The following SECISBP2L variants were observed in gnomAD, a reference collection of about 807,000 sequenced individuals.
SECISBP2L encodes SECIS binding protein 2 like.
A neutral mutation model predicts 114.7 loss-of-function variants in SECISBP2L; 43 were observed. The observed-to-expected ratio is 0.38, with a 90% CI of 0.29 to 0.48. The LOEUF is 0.48. Ranked by LOEUF, SECISBP2L falls within the 20% of genes least tolerant of loss-of-function variation. The probability of loss-of-function intolerance (pLI) is 0.98; values close to 1 mark genes in which losing one functional copy is unlikely to be tolerated. For missense variants in SECISBP2L, 1,136 were observed against 1,301.1 expected, an observed-to-expected ratio of 0.87 and a Z score of 1.95; for synonymous variants, 451 against 439.7, an observed-to-expected ratio of 1.03 and a Z score of -0.32.
chr15:49,039,447 A>G (rs1242820867), intron 1 of SECISBP2L, among the ~76,000 whole-genome samples: 1 of 152,138 alleles, frequency 6.6e-6, no homozygotes, highest in East Asian at 1.9e-4. Context: ...CAGTTCACAC[A>G]TACATGCATA....
At chr15:49,031,737 A>G (rs1186375341) in intron 4 of SECISBP2L, among the ~76,000 whole-genome samples, 2 of 152,232 alleles carry the variant, frequency 1.3e-5, no homozygotes, top group Non-Finnish European at 2.9e-5. Flanking sequence ...AATATATAAC[A>G]TTCTATTCAA....
Position 48,999,775 on chromosome 15 carries a change from A to G in SECISBP2L, c.2403+58T>C, listed in dbSNP as rs543967278. 3.2e-6 allele frequency: 5 copies of G among 1,571,568 alleles called. No homozygotes were observed. The South Asian group carries it at 5.7e-5, about 18-fold the overall frequency. ...TAACACTGGCATATGTCAATCGAAA[A>G]ATGTGCTATCTGGGGGATGTGCTGG... On this transcript the variant is annotated intron_variant, in intron 16 of 17. Coordinates refer to ENST00000559471, the MANE Select transcript of SECISBP2L (RefSeq NM_001193489.2).
Position 49,037,600 on chromosome 15 carries a change from T to A in SECISBP2L, c.194A>T (p.Gln65Leu), listed in dbSNP as rs1206688300. ...AAAATAAACAAATTACCTATTGGACTGGTTTTCCTGCACAAATGGGTAACA... is the reference window on the plus strand; with the variant it reads ...AAAATAAACAAATTACCTATTGGACAGGTTTTCCTGCACAAATGGGTAACA... Reference protein sequence around the residue: ...ITCYPFVQENQSNRQFPLYNN... With the variant: ...ITCYPFVQENLSNRQFPLYNN... Residue 65 changes from glutamine (Q) to leucine (L), a missense_variant, in exon 2 of 18, where the codon CAG becomes CTG. Gln to Leu is a moderately radical substitution (Grantham distance 113). Transcript: ENST00000559471. 6.2e-7 allele frequency: 1 copy of A among 1,612,964 alleles called. No homozygotes were observed. Among genetic ancestry groups the A allele is most frequent in the Non-Finnish European group, 8.5e-7 (1 of 1,179,722 alleles).
intron 1 of SECISBP2L, among the ~76,000 whole-genome samples, chr15:49,041,859 G>A (rs944910494): frequency 6.6e-6 from 1 of 152,150 alleles, no homozygotes; most frequent in Non-Finnish European, 1.5e-5. Flanking sequence ...CCTCTGAAGG[G>A]AAAAATGATT....
At chr15:49,024,170 A>G (rs1902695655) in intron 7 of SECISBP2L, among the ~76,000 whole-genome samples, 1 of 152,140 alleles carries the variant, frequency 6.6e-6, no homozygotes, top group African/African-American at 2.4e-5. Flanking sequence ...AATATGATAA[A>G]CTGAACAAAA....
In SECISBP2L at chr15:49,019,491, C is replaced by A; in HGVS notation, c.1097G>T (p.Arg366Ile). 1 of 1,511,708 alleles carries A rather than the reference C, an allele frequency of 6.6e-7. No individual in the cohort carries two copies. Among genetic ancestry groups the A allele is most frequent in the Non-Finnish European group, 8.8e-7 (1 of 1,136,944 alleles). The allele number at this position is 1,511,708 out of a possible 1,614,324, so 93.6% of individuals were successfully genotyped here. ...SSERRQNLQK[R>I]PDNKHLSSSQ... ...AGAGCTTAAATGCTTATTATCTGGT[C>A]TCTTTTGCAAATTCTGTCTTCTTTC... The change falls in exon 8 of 18, where the codon AGA becomes ATA. Residue 366 changes from arginine to isoleucine, a missense_variant. Physicochemically the swap from Arg to Ile is moderately conservative, Grantham distance 97. Coordinates refer to ENST00000559471, the MANE Select transcript of SECISBP2L (RefSeq NM_001193489.2).
At chr15:49,035,821 CTA>C (rs1374886682) in intron 2 of SECISBP2L, among the ~76,000 whole-genome samples, 163 bp from the exon 3 acceptor site, 1 of 152,184 alleles carries the variant, frequency 6.6e-6, no homozygotes, top group Non-Finnish European at 1.5e-5. Context: ...AATTTCTTTG[CTA>C]TAGAGATCAT....
In SECISBP2L at chr15:49,033,075, T is replaced by G; in HGVS notation, c.554A>C (p.Lys185Thr). The G allele has an allele frequency of 6.2e-7, 1 of 1,614,058 alleles. No individual in the cohort carries two copies. The highest frequency in any genetic ancestry group is 1.1e-5 in the South Asian group (1 of 91,072). The change falls in exon 4 of 18, where the codon AAA becomes ACA. Residue 185 changes from lysine to threonine, a missense_variant. Around this residue, in one of 2 missense-constraint regions of SECISBP2L, gnomAD observed 452 missense variants for 452.3 expected, o/e 1.00. Transcript: ENST00000559471. ...ATTTTTCACCAGCGGCCTTTTGCTT[T>G]TTATGTGCTGTTGTAAAAGCTGTTG... ...PKQQLLQQHIKSKRPLVKNVA... is the reference protein window; with the variant it reads ...PKQQLLQQHITSKRPLVKNVA...
intron 16 of SECISBP2L, among the ~76,000 whole-genome samples, chr15:48,998,227 A>G (rs1315318044): frequency 6.6e-5 from 10 of 152,254 alleles, no homozygotes; most frequent in South Asian, 2.1e-4. Context: ...AGGGAAAAAT[A>G]TAAGTAGCAT....
chr15:48,992,263 T>C lies in SECISBP2L; in HGVS notation c.3287A>G (p.Tyr1096Cys). The C allele has an allele frequency of 6.2e-7, 1 of 1,605,828 alleles. No individual in the cohort carries two copies. Among genetic ancestry groups the C allele is most frequent in the South Asian group, 1.1e-5 (1 of 90,758 alleles). Reference sequence around the variant, plus strand: ...CCTGAGTTACGTAGTTTGCGTTGTGTAATTAGAATCAGAGTGCTCTTTGTT... The same window carrying C: ...CCTGAGTTACGTAGTTTGCGTTGTGCAATTAGAATCAGAGTGCTCTTTGTT... The part of the protein sequence containing the change: ...SLNKEHSDSN[Y>C]TTQTT Residue 1096 changes from tyrosine to cysteine, a missense_variant, in exon 18 of 18, where the codon TAC becomes TGC. Transcript: ENST00000559471.
Position 49,037,659 on chromosome 15 carries a change from C to G in SECISBP2L, c.135G>C (p.Val45=), listed in dbSNP as rs1318175536. ...GGTAGCTGGGAATTGGAGTTGGTTC[C>G]ACACCAGAAACACTTCCATTATCAT... is the stretch of plus-strand genomic sequence containing the variant. ...LPNDNGSVSG[V]EPTPIPSYLI... is the part of the protein sequence containing the mutation. Residue 45 remains valine (V), a synonymous_variant, in exon 2 of 18, where the codon GTG becomes GTC. Transcript: ENST00000559471. 6.2e-7 allele frequency: 1 copy of G among 1,613,862 alleles called. No homozygotes were observed. The highest frequency in any genetic ancestry group is 1.7e-5 in the Admixed American group (1 of 60,024).
chr15:49,025,768 G>A (rs1039007203), intron 7 of SECISBP2L, among the ~76,000 whole-genome samples: 2 of 151,982 alleles, frequency 1.3e-5, no homozygotes, highest in Non-Finnish European at 2.9e-5. Context: ...AAGGAAACTC[G>A]TATACACATT....
At chr15:49,020,897 C>G (rs1277559805) in intron 7 of SECISBP2L, among the ~76,000 whole-genome samples, 2 of 152,060 alleles carry the variant, frequency 1.3e-5, no homozygotes, top group Non-Finnish European at 2.9e-5. Flanking sequence ...TAATTTAATA[C>G]AAATCTTGTT....
chr15:49,004,060 G>T (rs753055135), intron 14 of SECISBP2L, among the ~76,000 whole-genome samples: 7 of 152,120 alleles, frequency 4.6e-5, no homozygotes, highest in Non-Finnish European at 1.0e-4. Context: ...CTGTGAATAT[G>T]TCTGGTTCTA....
rs1297897310 is a variant in SECISBP2L at position 48,989,644 on chromosome 15, T to C, written c.*2600A>G. The C allele has an allele frequency of 6.6e-6, 1 of 152,350 alleles. No homozygotes were observed. Among genetic ancestry groups the C allele is most frequent in the Non-Finnish European group, 1.5e-5 (1 of 68,036 alleles). The allele number at this position is 152,350 out of a possible 1,614,324, so 9.4% of individuals were successfully genotyped here. A position where few individuals can be genotyped will look rare whatever the true frequency, so the allele number is the denominator to read the frequency against. The stretch of plus-strand genomic sequence containing the variant: ...AGTGTAATTCATATTTTAGTTAATA[T>C]GCTTACATACTGAAATAGAAATCTA... On this transcript the variant is annotated 3_prime_UTR_variant, in exon 18 of 18. Transcript: ENST00000559471.
intron 10 of SECISBP2L, 35 bp from the exon 11 acceptor site, chr15:49,016,736 T>C (rs1024157806): frequency 2.6e-6 from 4 of 1,514,816 alleles, no homozygotes; most frequent in Non-Finnish European, 3.5e-6. Flanking sequence ...ATTTTTTTGT[T>C]ATAGTACGAA....
intron 17 of SECISBP2L, among the ~76,000 whole-genome samples, chr15:48,993,258 G>C (rs547849269): frequency 1.3e-5 from 2 of 151,910 alleles, no homozygotes; most frequent in Admixed American, 1.3e-4. Context: ...AAAATGCTGG[G>C]ATTACAGGTG....
At position 49,027,250 on chromosome 15, in the gene SECISBP2L, T is replaced by C. The variant is rs1335595382; in HGVS notation, c.1035+115A>G. On this transcript the variant is annotated intron_variant, in intron 7 of 17. Coordinates refer to ENST00000559471, the MANE Select transcript of SECISBP2L (RefSeq NM_001193489.2). The stretch of plus-strand genomic sequence containing the variant: ...AGCTAAGCCATTTTAAAGTTACACA[T>C]GATAGTTCACTTCCAAATCACTCCA... 4.6e-6 allele frequency: 3 copies of C among 646,702 alleles called. No individual in the cohort carries two copies. The Admixed American group carries it at 7.8e-5, about 17-fold the overall frequency. 40.1% of individuals were successfully genotyped at this position (646,702 alleles called of 1,614,324 possible). A position where few individuals can be genotyped will look rare whatever the true frequency, so the allele number is the denominator to read the frequency against.
At chr15:49,028,259 A>G (rs903722907) in intron 5 of SECISBP2L, 91 bp from the exon 6 acceptor site, 1 of 1,116,474 alleles carries the variant, frequency 9.0e-7, no homozygotes, top group Non-Finnish European at 1.3e-6. Context: ...CCTAGTGTGA[A>G]GCATGCATAT....
Sources: allele counts gnomAD v4.1 joint callset (sites outside exome capture counted in the v4.1 genomes callset), GRCh38; gene constraint gnomAD v4.1.1; regional missense constraint gnomAD v4.1.1; transcripts MANE v1.5; gene names NCBI Gene and HGNC (gene_info 2026-07-23, HGNC 2026-07-21).